Variants in SPAG1 observed in about 807,000 individuals in gnomAD.
SPAG1 encodes the protein sperm associated antigen 1.
A neutral mutation model predicts 100.5 loss-of-function variants in SPAG1; 69 were observed. That is an observed-to-expected ratio of 0.69 (90% confidence interval 0.57 to 0.84). The LOEUF (loss-of-function observed/expected upper bound fraction) is 0.84, where lower values mean the gene tolerates loss of function less well. Ranked by LOEUF, SPAG1 falls within the 40% of genes least tolerant of loss-of-function variation. The pLI is 0.00. For missense variants in SPAG1, 955 were observed against 1,133.1 expected (o/e 0.84, Z 2.26); for synonymous variants, 336 against 411.6 (o/e 0.82, Z 2.22).
At chr8:100,202,856 A>T (rs928343717) in intron 10 of SPAG1, among the ~76,000 whole-genome samples, 9 of 151,440 alleles carry the variant, frequency 5.9e-5, no homozygotes, top group Admixed American at 2.6e-4. Context: ...GCTTTTAGTA[A>T]GTTTTGAAAT....
intron 16 of SPAG1, among the ~76,000 whole-genome samples, chr8:100,233,920 T>C (rs1818888723): frequency 6.6e-6 from 1 of 152,172 alleles, no homozygotes; most frequent in Admixed American, 6.5e-5. Context: ...GGCATCAGAA[T>C]AGAAGATGGG....
chr8:100,188,298 C>T (rs1437017009), intron 8 of SPAG1, among the ~76,000 whole-genome samples: 5 of 152,090 alleles, frequency 3.3e-5, no homozygotes, highest in Middle Eastern at 6.8e-3. Context: ...ACTACAAGCA[C>T]GTGCCACCAC....
chr8:100,237,635 A>G (rs2132439038), intron 16 of SPAG1, among the ~76,000 whole-genome samples: 1 of 152,210 alleles, frequency 6.6e-6, no homozygotes, highest in East Asian at 1.9e-4. Context: ...CTCCTGGCAC[A>G]TGGACGTGCT....
At chr8:100,185,582 T>C (rs1816550202) in intron 7 of SPAG1, among the ~76,000 whole-genome samples, 1 of 152,234 alleles carries the variant, frequency 6.6e-6, no homozygotes. Context: ...ACCTGGTTCA[T>C]AGTAGATGTT....
At chr8:100,232,945 C>T (rs936689823) in intron 15 of SPAG1, among the ~76,000 whole-genome samples, 26 of 152,212 alleles carry the variant, frequency 1.7e-4, no homozygotes, top group African/African-American at 5.8e-4. Flanking sequence ...TCTGTGCACT[C>T]GCTGTGTCCT....
In SPAG1 at chr8:100,177,906, G is replaced by T. The variant is rs1816198793; in HGVS notation, c.391G>T (p.Val131Phe). 1 of 1,612,360 alleles carries T rather than the reference G, an allele frequency of 6.2e-7. No homozygotes were observed. ...FPAMKDNLPP[V>F]RGSNSCLHVG... ...AGCAATGAAAGATAATTTGCCTCCA[G>T]TTCGTGGTTCAAACAGCTGTCTTCA... Residue 131 changes from valine (V) to phenylalanine (F), a missense_variant, in exon 4 of 19, where the codon GTT becomes TTT. Physicochemically the swap from Val to Phe is conservative, Grantham distance 50. Transcript: ENST00000388798.
intron 2 of SPAG1, among the ~76,000 whole-genome samples, chr8:100,163,061 A>G (rs1211224255): frequency 6.6e-6 from 1 of 152,124 alleles, no homozygotes; most frequent in African/African-American, 2.4e-5. Flanking sequence ...TCACCTGACA[A>G]CAAGGGAGGG....
Position 100,231,236 on chromosome 8 carries a change from T to C in SPAG1, c.1936T>C (p.Tyr646His), listed in dbSNP as rs972610161. The change falls in exon 15 of 19, where the codon TAC becomes CAC. Residue 646 changes from tyrosine (Y) to histidine (H), a missense_variant. By Grantham distance (83) the Tyr-to-His change is moderately conservative (BLOSUM62 2). Coordinates refer to ENST00000388798, the MANE Select transcript of SPAG1 (RefSeq NM_003114.5). Reference sequence around the variant, plus strand: ...AAACTATAAAGACGCCCTCAGTAAATACAGCGAATGCTTAAAGATTAACAA... The same window carrying C: ...AAACTATAAAGACGCCCTCAGTAAACACAGCGAATGCTTAAAGATTAACAA... ...DKNYKDALSKYSECLKINNKE... is the reference protein window; with the variant it reads ...DKNYKDALSKHSECLKINNKE... 7 of 1,606,190 alleles carry C rather than the reference T, an allele frequency of 4.4e-6. No homozygotes were observed. The African/African-American group carries it at 9.4e-5, about 21-fold the overall frequency.
rs951562855 is a variant in SPAG1 at position 100,193,353 on chromosome 8, C to A, written c.940-759C>A. ...GTGTGGGCCTGTAGTCCTAGCTACT[C>A]GGGAGGCAGGGGTGGGAGGATAATT... On this transcript the variant is annotated intron_variant, in intron 9 of 18. Transcript: ENST00000388798. 3.9e-5 allele frequency among the ~76,000 whole-genome samples: 6 copies of A among 152,058 alleles called. No homozygotes were observed. The East Asian group carries it at 9.7e-4, about 25-fold the overall frequency.
chr8:100,239,549 A>C lies in SPAG1; in HGVS notation c.2280+145A>C. 1 of 628,158 alleles carries C rather than the reference A, an allele frequency of 1.6e-6. No individual in the cohort carries two copies. The highest frequency in any genetic ancestry group is 2.9e-5 in the Admixed American group (1 of 34,740). The allele number at this position is 628,158 out of a possible 1,614,324, so 38.9% of individuals were successfully genotyped here. A position where few individuals can be genotyped will look rare whatever the true frequency, so the allele number is the denominator to read the frequency against. Reference sequence around the variant, plus strand: ...TGACAAAATTTTAACCAGCAACAAAATGTCTCCTTTGCAATGATAATTAGC... The same window carrying C: ...TGACAAAATTTTAACCAGCAACAAACTGTCTCCTTTGCAATGATAATTAGC... On this transcript the variant is annotated intron_variant, in intron 17 of 18. Transcript: ENST00000388798. The surrounding 1 kb of genome is among the most constrained non-coding windows in gnomAD (Gnocchi z 5.0).
intron 12 of SPAG1, among the ~76,000 whole-genome samples, chr8:100,217,984 T>C (rs961682557): frequency 7.9e-5 from 12 of 152,098 alleles, no homozygotes; most frequent in African/African-American, 2.7e-4. Context: ...AACAGGGTTT[T>C]GCCATGTTGG....
At chr8:100,202,741 A>T (rs1422854494) in intron 10 of SPAG1, among the ~76,000 whole-genome samples, 1 of 148,350 alleles carries the variant, frequency 6.7e-6, no homozygotes, top group Non-Finnish European at 1.5e-5. Flanking sequence ...AAAAAAAAGA[A>T]TCAACTGGCC....
intron 10 of SPAG1, among the ~76,000 whole-genome samples, chr8:100,211,157 C>T (rs1817702886): frequency 6.6e-6 from 1 of 151,918 alleles, no homozygotes; most frequent in African/African-American, 2.4e-5. Flanking sequence ...ACTCCCAAGT[C>T]ACTGTCTCTG....
At chr8:100,207,782 G>A (rs144237083) in intron 10 of SPAG1, among the ~76,000 whole-genome samples, 5,645 of 152,276 alleles carry the variant, frequency 0.037, 304 homozygotes, top group African/African-American at 0.11. Context: ...GGCTAAAGAA[G>A]TGTGGCAGTG....
At chr8:100,184,813 C>A in intron 7 of SPAG1, 80 bp downstream of exon 7, 2 of 785,904 alleles carry the variant, frequency 2.5e-6, no homozygotes, top group Non-Finnish European at 2.0e-6. Context: ...TATAAATAAG[C>A]GAAAGTCTAT....
rs376669961 is a variant in SPAG1, at chr8:100,231,170, A to G, written c.1870A>G (p.Lys624Glu). The change falls in exon 15 of 19, where the codon AAA (lysine) becomes GAA (glutamate). Residue 624 changes from lysine to glutamate, a missense_variant. Physicochemically the swap from Lys to Glu is moderately conservative, Grantham distance 56. Transcript: ENST00000388798. ...QQGITDEKTF[K>E]ALKEEGNQCV... Reference sequence around the variant, plus strand: ...TTGTCCCATAGATGAAAAAACATTTAAAGCCCTTAAGGAAGAAGGAAATCA... The same window carrying G: ...TTGTCCCATAGATGAAAAAACATTTGAAGCCCTTAAGGAAGAAGGAAATCA... 93 of 1,603,562 alleles carry G rather than the reference A, an allele frequency of 5.8e-5. No homozygotes were observed. The highest frequency in any genetic ancestry group is 7.4e-5 in the Non-Finnish European group (87 of 1,175,064).
intron 3 of SPAG1, among the ~76,000 whole-genome samples, chr8:100,169,345 G>A (rs952984267): frequency 5.3e-5 from 8 of 152,186 alleles, no homozygotes; most frequent in South Asian, 2.1e-4. Context: ...CTTGAGCCCA[G>A]GAGTTTTAGG....
At position 100,225,269 on chromosome 8, in the gene SPAG1, G is replaced by A. The variant is rs1818457032; in HGVS notation, c.1785G>A (p.Trp595Ter). 1.9e-6 allele frequency: 3 copies of A among 1,613,758 alleles called. No individual in the cohort carries two copies. The African/African-American group carries it at 4.0e-5, about 22-fold the overall frequency. ...AVPASVPLQA[W>*]HPAKEMISKQ... ...CTGCTTCTGTGCCACTGCAAGCTTGGCATCCGGCAAAAGAGATGATCTCAA... is the reference window on the plus strand; with the variant it reads ...CTGCTTCTGTGCCACTGCAAGCTTGACATCCGGCAAAAGAGATGATCTCAA... Residue 595 changes from tryptophan to a stop codon, truncating the protein, a stop_gained, in exon 14 of 19, where the codon TGG becomes TGA. Coordinates refer to ENST00000388798, the MANE Select transcript of SPAG1 (RefSeq NM_003114.5). LOFTEE classifies it high-confidence loss of function.
chr8:100,196,300 T>A (rs1817027283), intron 10 of SPAG1, among the ~76,000 whole-genome samples: 1 of 152,262 alleles, frequency 6.6e-6, no homozygotes, highest in Admixed American at 6.5e-5. Context: ...GTTGCCTGAC[T>A]GTTTTCCAGA....
Sources: allele counts gnomAD v4.1 joint callset (sites outside exome capture counted in the v4.1 genomes callset), GRCh38; gene constraint gnomAD v4.1.1; non-coding constraint Gnocchi (gnomAD v3.1); transcripts MANE v1.5; gene names NCBI Gene and HGNC (gene_info 2026-07-23, HGNC 2026-07-21).